The following FHIT variants were observed in gnomAD, a reference collection of about 807,000 sequenced individuals.
The protein encoded by FHIT is fragile histidine triad diadenosine triphosphatase, also known as bis(5'-adenosyl)-triphosphatase.
Under a neutral mutation model 17.9 loss-of-function variants are expected in FHIT, and 19 were observed. The ratio of observed to expected loss-of-function variants is 1.06; its 90% CI spans 0.74 to 1.56. The LOEUF is 1.56. FHIT is among the 40% of genes most tolerant of loss of function. FHIT has a pLI of 0.00. For synonymous variants in FHIT, 81 were observed against 69.7 expected (o/e 1.16, Z -0.81); for missense variants, 248 against 189.2 (o/e 1.31, Z -1.82).
chr3:60,819,307 T>C (rs966895472), intron 4 of FHIT, among the ~76,000 whole-genome samples: 29 of 152,144 alleles, frequency 1.9e-4, no homozygotes, highest in African/African-American at 7.0e-4. Context: ...ATGAGAAGAC[T>C]TGGAATGAAA....
rs182612318 is a variant in FHIT, at chr3:61,127,769, C to G, written c.-164+72848G>C. 1.7e-3 allele frequency among the ~76,000 whole-genome samples: 266 copies of G among 152,018 alleles called. 1 individual carries two copies. The highest frequency in any genetic ancestry group is 5.9e-3 in the African/African-American group (243 of 41,468). On this transcript the variant is annotated intron_variant, in intron 2 of 9. Transcript: ENST00000492590. ...CCTGTAATCCCAGATACTCAGGAGG[C>G]TGAGACAGGAGAATCACTTGAAACC... is the stretch of plus-strand genomic sequence containing the variant.
At chr3:61,245,290 C>T (rs538815424) in intron 1 of FHIT, among the ~76,000 whole-genome samples, 70 of 152,274 alleles carry the variant, frequency 4.6e-4, no homozygotes, top group African/African-American at 1.6e-3. Context: ...ATTATCGCCC[C>T]CATTTCACAA....
At chr3:60,976,084 G>A (rs62268665) in intron 3 of FHIT, among the ~76,000 whole-genome samples, 31,284 of 111,492 alleles carry the variant, frequency 0.28, 4,028 homozygotes, top group African/African-American at 0.38. Flanking sequence ...TGTATCTTTC[G>A]TTTTTCTTTT....
At chr3:59,842,586 T>G (rs922244653) in intron 8 of FHIT, among the ~76,000 whole-genome samples, 5 of 152,190 alleles carry the variant, frequency 3.3e-5, no homozygotes, top group Admixed American at 2.6e-4. Context: ...CTTCACTCTT[T>G]TTTGATAGCA....
At chr3:60,959,914 T>A (rs1469855918) in intron 3 of FHIT, among the ~76,000 whole-genome samples, 1 of 151,676 alleles carries the variant, frequency 6.6e-6, no homozygotes, top group Admixed American at 6.6e-5. Flanking sequence ...CTTTCAACAG[T>A]GAACATGCGT....
intron 5 of FHIT, among the ~76,000 whole-genome samples, chr3:60,249,655 G>A (rs1024507499): frequency 7.1e-6 from 1 of 140,208 alleles, no homozygotes; most frequent in Admixed American, 7.1e-5. Flanking sequence ...GAGTCTCCTG[G>A]AGACTGGGCA....
At chr3:59,773,149 C>T (rs1038198856) in intron 8 of FHIT, among the ~76,000 whole-genome samples, 4 of 152,192 alleles carry the variant, frequency 2.6e-5, no homozygotes, top group Non-Finnish European at 2.9e-5. Flanking sequence ...TTCTGTAAGG[C>T]CCCTGTCTTC....
intron 1 of FHIT, among the ~76,000 whole-genome samples, chr3:61,237,697 A>G (rs560823239): frequency 6.6e-6 from 1 of 152,326 alleles, no homozygotes; most frequent in East Asian, 1.9e-4. Flanking sequence ...CACTGTGTAG[A>G]ACATAATTGA....
At chr3:61,158,224 A>G (rs1343004777) in intron 2 of FHIT, among the ~76,000 whole-genome samples, 1 of 152,212 alleles carries the variant, frequency 6.6e-6, no homozygotes, top group Admixed American at 6.5e-5. Flanking sequence ...AATAAACAAG[A>G]CTTTTTATTA....
At chr3:60,173,916 T>TATATATATATA (rs1343702595) in intron 5 of FHIT, among the ~76,000 whole-genome samples, 6 of 68,050 alleles carry the variant, frequency 8.8e-5, no homozygotes, top group African/African-American at 1.9e-4. Flanking sequence ...TATATATATA[T>TATATATATATA]GTTTTTTTTT....
In FHIT at chr3:60,649,308, G is replaced by T. The variant is rs370830724; in HGVS notation, c.-17-112329C>A. On this transcript the variant is annotated intron_variant, in intron 4 of 9. Coordinates refer to ENST00000492590, the MANE Select transcript of FHIT (RefSeq NM_002012.4). ...CCAGCTACTCAGGAGTCTGAGGCAG[G>T]AGGCTGAGGCGTTAACCTGGGAGGC... 5.8e-4 allele frequency among the ~76,000 whole-genome samples: 88 copies of T among 152,272 alleles called. 2 individuals carry two copies. In the South Asian group the frequency reaches 0.017, roughly 29 times the overall value.
intron 5 of FHIT, among the ~76,000 whole-genome samples, chr3:60,064,105 G>C (rs552797825): frequency 7.2e-5 from 11 of 152,302 alleles, no homozygotes; most frequent in African/African-American, 2.4e-4. Context: ...CAAGAGGCCA[G>C]CATGTCAGAG....
intron 5 of FHIT, among the ~76,000 whole-genome samples, chr3:60,411,932 ATGT>A (rs1702076138): frequency 6.6e-6 from 1 of 152,060 alleles, no homozygotes; most frequent in Non-Finnish European, 1.5e-5. Context: ...GTCAGAACCC[ATGT>A]TTTTTTAAAA....
intron 3 of FHIT, among the ~76,000 whole-genome samples, chr3:60,916,232 G>C (rs1299462075): frequency 5.3e-5 from 8 of 152,114 alleles, no homozygotes; most frequent in Non-Finnish European, 1.2e-4. Context: ...TTTGTACATA[G>C]AATTTTGTGC....
At chr3:61,211,826 A>T (rs542162719) in intron 1 of FHIT, among the ~76,000 whole-genome samples, 1 of 152,344 alleles carries the variant, frequency 6.6e-6, no homozygotes, top group African/African-American at 2.4e-5. Context: ...AGGAACGATC[A>T]GACAGCAGCA....
At chr3:60,974,634 C>T (rs767951531) in intron 3 of FHIT, among the ~76,000 whole-genome samples, 1 of 151,864 alleles carries the variant, frequency 6.6e-6, no homozygotes, top group Non-Finnish European at 1.5e-5. Flanking sequence ...ACTAATATAG[C>T]TATACCAAAA....
intron 3 of FHIT, among the ~76,000 whole-genome samples, chr3:60,911,576 G>A (rs1706747296): frequency 6.6e-6 from 1 of 152,126 alleles, no homozygotes; most frequent in South Asian, 2.1e-4. Flanking sequence ...ACTGGTTGTG[G>A]CCCCACCAAG....
intron 5 of FHIT, among the ~76,000 whole-genome samples, chr3:60,439,498 C>G (rs2030596450): frequency 6.6e-6 from 1 of 152,020 alleles, no homozygotes; most frequent in Non-Finnish European, 1.5e-5. Context: ...CTTCAGAACC[C>G]TGCTTTTAGT....
chr3:61,190,103 G>T (rs1378806697), intron 2 of FHIT, among the ~76,000 whole-genome samples: 1 of 151,998 alleles, frequency 6.6e-6, no homozygotes, highest in Non-Finnish European at 1.5e-5. Flanking sequence ...TTAAACTAAA[G>T]CACTTCTGCA....
Sources: allele counts gnomAD v4.1 joint callset (sites outside exome capture counted in the v4.1 genomes callset), GRCh38; gene constraint gnomAD v4.1.1; transcripts MANE v1.5; gene names NCBI Gene and HGNC (gene_info 2026-07-23, HGNC 2026-07-21).